The following CHERP variants were observed in gnomAD, a reference collection of about 807,000 sequenced individuals.
CHERP encodes the protein calcium homeostasis endoplasmic reticulum protein, also known as ERPROT 213-21.
Under a neutral mutation model 113.8 loss-of-function variants are expected in CHERP, and 8 were observed. The observed-to-expected ratio is 0.07, with a 90% CI of 0.04 to 0.13. CHERP has a LOEUF of 0.13. Among genes scored for constraint, CHERP ranks in the 10% least tolerant of loss-of-function variants. The pLI is 1.00. For synonymous variants in CHERP, 559 were observed against 524.5 expected (o/e 1.07, Z -0.90); for missense variants, 884 against 1,298.2 (o/e 0.68, Z 4.90).
intron 2 of CHERP, among the ~76,000 whole-genome samples, chr19:16,537,171 G>A (rs983211361): frequency 4.0e-5 from 6 of 150,572 alleles, no homozygotes; most frequent in African/African-American, 9.8e-5. Context: ...GCCACTCCCC[G>A]CACCCCCCTC....
chr19:16,540,981 G>A (rs1026461671), intron 2 of CHERP, among the ~76,000 whole-genome samples: 3 of 152,120 alleles, frequency 2.0e-5, no homozygotes, highest in African/African-American at 7.2e-5. Context: ...TACAGTATGA[G>A]CCACTGCAAC....
In CHERP at chr19:16,520,377, G is replaced by T; in HGVS notation, c.2332C>A (p.Arg778Ser). The T allele has an allele frequency of 6.2e-7, 1 of 1,613,920 alleles. No homozygotes were observed. The highest frequency in any genetic ancestry group is 1.1e-5 in the South Asian group (1 of 91,078). ...RSRSCSRSYS[R>S]SRSRSRSRSR... ...GCCTCTGCCTACCTAGATCTGGAGC[G>T]GGAGTAGGAACGGGAGCAGGAGCGC... The change falls in exon 14 of 17, where the codon CGC (arginine) becomes AGC (serine). Residue 778 changes from arginine to serine, a missense_variant. Physicochemically the swap from Arg to Ser is moderately radical, Grantham distance 110. Around this residue, in one of 8 missense-constraint regions of CHERP, gnomAD observed 159 missense variants for 185.8 expected, o/e 0.86. Transcript: ENST00000546361. The surrounding 1 kb of genome is among the most constrained non-coding windows in gnomAD (Gnocchi z 4.0).
intron 9 of CHERP, 133 bp downstream of exon 9, chr19:16,527,947 C>T: frequency 1.1e-6 from 1 of 912,198 alleles, no homozygotes; most frequent in Non-Finnish European, 1.7e-6. Context: ...ACTAACCCAG[C>T]ATAAGCTCTG....
In CHERP at chr19:16,521,620, T is replaced by G. The variant is rs749965563; in HGVS notation, c.2015A>C (p.Lys672Thr). 6.2e-7 allele frequency: 1 copy of G among 1,609,194 alleles called. No homozygotes were observed. The highest frequency in any genetic ancestry group is 8.5e-7 in the Non-Finnish European group (1 of 1,177,822). Residue 672 changes from lysine (K) to threonine (T), a missense_variant, in exon 12 of 17, where the codon AAA becomes ACA. This residue lies in a region of CHERP where 464 missense variants were observed against 590.1 expected (regional missense o/e 0.79). Transcript: ENST00000546361. ...EDHEYKPLDPKDIRLPPPMPP... is the reference protein window; with the variant it reads ...EDHEYKPLDPTDIRLPPPMPP... Reference sequence around the variant, plus strand: ...CATGGGGGGTGGGAGGCGGATGTCTTTAGGGTCCAAAGGCTTGTACTCGTG... The same window carrying G: ...CATGGGGGGTGGGAGGCGGATGTCTGTAGGGTCCAAAGGCTTGTACTCGTG...
At position 16,521,612 on chromosome 19, in the gene CHERP, G is replaced by A; in HGVS notation, c.2023C>T (p.Arg675Cys). ...EYKPLDPKDI[R>C]LPPPMPPSER... ...CTGGGCGGCATGGGGGGTGGGAGGC[G>A]GATGTCTTTAGGGTCCAAAGGCTTG... The change falls in exon 12 of 17, where the codon CGC becomes TGC. Residue 675 changes from arginine (R) to cysteine (C), a missense_variant. Coordinates refer to ENST00000546361, the MANE Select transcript of CHERP (RefSeq NM_006387.6). 1 of 1,609,734 alleles carries A rather than the reference G, an allele frequency of 6.2e-7. No homozygotes were observed. Among genetic ancestry groups the A allele is most frequent in the Non-Finnish European group, 8.5e-7 (1 of 1,178,134 alleles).
chr19:16,525,301 G>T lies in CHERP; in HGVS notation c.1682C>A (p.Pro561His). The T allele has an allele frequency of 1.4e-6, 2 of 1,452,684 alleles. No homozygotes were observed. Among genetic ancestry groups the T allele is most frequent in the Non-Finnish European group, 1.8e-6 (2 of 1,101,118 alleles). 90.0% of individuals were successfully genotyped at this position (1,452,684 alleles called of 1,614,324 possible). A position where few individuals can be genotyped will look rare whatever the true frequency, so the allele number is the denominator to read the frequency against. ...GTGGGGATAGGGCGGCCGCTCGAAG[G>T]GGTGCCGTGGCGGGAAGTCGTCCTG... is the stretch of plus-strand genomic sequence containing the variant. Reference protein sequence around the residue: ...FMQDDFPPRHPFERPPYPHRF... With the variant: ...FMQDDFPPRHHFERPPYPHRF... The change falls in exon 10 of 17, where the codon CCC (proline) becomes CAC (histidine). Residue 561 changes from proline (P) to histidine (H), a missense_variant. This residue lies in a region of CHERP where 464 missense variants were observed against 590.1 expected (regional missense o/e 0.79). Transcript: ENST00000546361. This position sits in a 1 kb window ranked among gnomAD's most constrained non-coding sequence, Gnocchi z 6.5.
intron 5 of CHERP, 150 bp from the exon 6 acceptor site, chr19:16,531,030 AC>A (rs2085699305): frequency 1.5e-6 from 2 of 1,305,832 alleles, no homozygotes; most frequent in Non-Finnish European, 2.1e-6. Context: ...CTCCCACGAG[AC>A]CTGTGCTGGT....
Position 16,529,861 on chromosome 19 carries a change from C to T in CHERP, c.916G>A (p.Val306Met), listed in dbSNP as rs374070835. ...ATCTGCTGCTGGAAGGCCAGCTGCA[C>T]CGGCTGGACCACTGAGGAGTACTCG... Reference protein sequence around the residue: ...INEYSSVVQPVQLAFQQQIQT... With the variant: ...INEYSSVVQPMQLAFQQQIQT... The change falls in exon 8 of 17, where the codon GTG (valine) becomes ATG (methionine). Residue 306 changes from valine to methionine, a missense_variant. Coordinates refer to ENST00000546361, the MANE Select transcript of CHERP (RefSeq NM_006387.6). The T allele has an allele frequency of 1.4e-4, 222 of 1,613,606 alleles. No homozygotes were observed. Among genetic ancestry groups the T allele is most frequent in the Non-Finnish European group, 1.7e-4 (203 of 1,179,972 alleles).
Position 16,518,871 on chromosome 19 carries a change from G to C in CHERP, c.*288C>G, listed in dbSNP as rs977363864. 2.4e-6 allele frequency: 1 copy of C among 422,710 alleles called. No individual in the cohort carries two copies. The highest frequency in any genetic ancestry group is 2.1e-5 in the African/African-American group (1 of 48,224). 26.2% of individuals were successfully genotyped at this position (422,710 alleles called of 1,614,324 possible). On this transcript the variant is annotated 3_prime_UTR_variant, in exon 17 of 17. Transcript: ENST00000546361. ...CCCTTCGTGGCTGAAGAATTTACTC[G>C]GGCGGAGGGTCTTGTGTTTTTTGCT...
Position 16,528,119 on chromosome 19 carries a change from A to G in CHERP, c.1266T>C (p.Phe422=). The G allele has an allele frequency of 2.5e-6, 4 of 1,613,678 alleles. 1 individual carries two copies. In the South Asian group the frequency reaches 4.4e-5, roughly 18 times the overall value. Residue 422 remains phenylalanine, a synonymous_variant, in exon 9 of 17, where the codon TTT becomes TTC. Coordinates refer to ENST00000546361, the MANE Select transcript of CHERP (RefSeq NM_006387.6). ...AAGGAGCCACGGGGTGAGGCTGGTC[A>G]AACCAAGGGGGCTTGTTTGGTGGGA... ...DQIPPNKPPW[F]DQPHPVAPWG...
chr19:16,541,859 A>G lies in CHERP; in HGVS notation c.199+11T>C. The G allele has an allele frequency of 6.2e-7, 1 of 1,610,336 alleles. No homozygotes were observed. Among genetic ancestry groups the G allele is most frequent in the Non-Finnish European group, 8.5e-7 (1 of 1,178,830 alleles). ...CTCGATGGGACGGCCTGAGTGCCGGAGGGGACTCACGCTGCTGCTGCTCCA... is the reference window on the plus strand; with the variant it reads ...CTCGATGGGACGGCCTGAGTGCCGGGGGGGACTCACGCTGCTGCTGCTCCA... On this transcript the variant is annotated intron_variant, in intron 2 of 16. Coordinates refer to ENST00000546361, the MANE Select transcript of CHERP (RefSeq NM_006387.6).
At chr19:16,524,607 A>G (rs2085644191) in intron 10 of CHERP, among the ~76,000 whole-genome samples, 1 of 150,994 alleles carries the variant, frequency 6.6e-6, no homozygotes, top group Non-Finnish European at 1.5e-5. Context: ...TAACAAAGAT[A>G]CTAGGCATGG....
In CHERP at chr19:16,542,420, AC is replaced by A; in HGVS notation, c.-43del. The A allele has an allele frequency of 7.5e-7, 1 of 1,330,354 alleles. No individual in the cohort carries two copies. Among genetic ancestry groups the A allele is most frequent in the Non-Finnish European group, 9.7e-7 (1 of 1,032,790 alleles). The allele number at this position is 1,330,354 out of a possible 1,614,324, so 82.4% of individuals were successfully genotyped here. A position where few individuals can be genotyped will look rare whatever the true frequency, so the allele number is the denominator to read the frequency against. On this transcript the variant is annotated 5_prime_UTR_variant, in exon 1 of 17. Coordinates refer to ENST00000546361, the MANE Select transcript of CHERP (RefSeq NM_006387.6). ...AACGTCCTCCGGCGCCACACGATCGACCACCAGCGCCGTCTGCGGAAGCCGG... is the reference window on the plus strand; with the variant it reads ...AACGTCCTCCGGCGCCACACGATCGACACCAGCGCCGTCTGCGGAAGCCGG...
Position 16,542,356 on chromosome 19 carries a change from T to A in CHERP, c.23A>T (p.Asp8Val). Reference sequence around the variant, plus strand: ...CTCTCGGCCGGTTTGGGTCTCACCATCGGGGGGCAGCGGCATCTCCATGGC... The same window carrying A: ...CTCTCGGCCGGTTTGGGTCTCACCAACGGGGGGCAGCGGCATCTCCATGGC... The part of the protein sequence containing the change: MEMPLPP[D>V]DQELRNVIDK... Residue 8 changes from aspartate to valine, a missense_variant and splice_region_variant, in exon 1 of 17, where the codon GAT becomes GTT. Asp to Val is a radical substitution (Grantham distance 152). Transcript: ENST00000546361. 1 of 1,399,140 alleles carries A rather than the reference T, an allele frequency of 7.1e-7. No individual in the cohort carries two copies. The highest frequency in any genetic ancestry group is 9.3e-7 in the Non-Finnish European group (1 of 1,070,480). The allele number at this position is 1,399,140 out of a possible 1,614,324, so 86.7% of individuals were successfully genotyped here.
At chr19:16,521,758 C>G in intron 11 of CHERP, 104 bp from the exon 12 acceptor site, 1 of 1,128,040 alleles carries the variant, frequency 8.9e-7, no homozygotes, top group East Asian at 2.9e-5. Context: ...GGTTCAGTGT[C>G]AAGGGTACCC....
rs1032703744 is a variant in CHERP, at chr19:16,530,530, C to T, written c.876+55G>A. The T allele has an allele frequency of 1.2e-5, 18 of 1,555,492 alleles. No homozygotes were observed. The highest frequency in any genetic ancestry group is 3.3e-5 in the Admixed American group (2 of 59,870). On this transcript the variant is annotated intron_variant, in intron 7 of 16. Coordinates refer to ENST00000546361, the MANE Select transcript of CHERP (RefSeq NM_006387.6). This position sits in a 1 kb window ranked among gnomAD's most constrained non-coding sequence, Gnocchi z 4.1. The stretch of plus-strand genomic sequence containing the variant: ...TGCTGTCCCCACACTCCCAAACCCT[C>T]CTGGGGAACCCGCCCCAGCTCTAGG...
At position 16,525,705 on chromosome 19, in the gene CHERP, C is replaced by A; in HGVS notation, c.1306-28G>T. The stretch of plus-strand genomic sequence containing the variant: ...GCAAGGGAAGGGACAGGCTTGAGCC[C>A]TGCGTGGTCTAGGCCCTAGTGCTCG... On this transcript the variant is annotated intron_variant, in intron 9 of 16. Coordinates refer to ENST00000546361, the MANE Select transcript of CHERP (RefSeq NM_006387.6). This position sits in a 1 kb window ranked among gnomAD's most constrained non-coding sequence, Gnocchi z 6.5. The A allele has an allele frequency of 6.8e-7, 1 of 1,471,654 alleles. No homozygotes were observed. The highest frequency in any genetic ancestry group is 9.0e-7 in the Non-Finnish European group (1 of 1,109,364). 91.2% of individuals were successfully genotyped at this position (1,471,654 alleles called of 1,614,324 possible).
rs567052583 is a variant in CHERP at position 16,530,021 on chromosome 19, A to G, written c.877-121T>C. 15 of 1,316,908 alleles carry G rather than the reference A, an allele frequency of 1.1e-5. No homozygotes were observed. In the East Asian group the frequency reaches 3.3e-4, roughly 29 times the overall value. 81.6% of individuals were successfully genotyped at this position (1,316,908 alleles called of 1,614,324 possible). The stretch of plus-strand genomic sequence containing the variant: ...GGGACCTGGGGCAGGTGGACAGGGA[A>G]CCGTCACGTGAAACAGCCAACACAG... On this transcript the variant is annotated intron_variant, in intron 7 of 16. Transcript: ENST00000546361. The surrounding 1 kb of genome is among the most constrained non-coding windows in gnomAD (Gnocchi z 4.1).
In CHERP at chr19:16,535,336, G is replaced by A; in HGVS notation, c.384+116C>T. 2 of 1,107,206 alleles carry A rather than the reference G, an allele frequency of 1.8e-6. No homozygotes were observed. The highest frequency in any genetic ancestry group is 2.9e-4 in the Middle Eastern group (1 of 3,502). The allele number at this position is 1,107,206 out of a possible 1,614,324, so 68.6% of individuals were successfully genotyped here. A position where few individuals can be genotyped will look rare whatever the true frequency, so the allele number is the denominator to read the frequency against. On this transcript the variant is annotated intron_variant, in intron 3 of 16. Coordinates refer to ENST00000546361, the MANE Select transcript of CHERP (RefSeq NM_006387.6). The surrounding 1 kb of genome is among the most constrained non-coding windows in gnomAD (Gnocchi z 4.3). Reference sequence around the variant, plus strand: ...GTGGCTGACATGCACCGAGCCCTGGGTGGCAGGGGGGGCCCTGTCCTCACT... The same window carrying A: ...GTGGCTGACATGCACCGAGCCCTGGATGGCAGGGGGGGCCCTGTCCTCACT...
Sources: allele counts gnomAD v4.1 joint callset (sites outside exome capture counted in the v4.1 genomes callset), GRCh38; gene constraint gnomAD v4.1.1; regional missense constraint gnomAD v4.1.1; non-coding constraint Gnocchi (gnomAD v3.1); transcripts MANE v1.5; gene names NCBI Gene and HGNC (gene_info 2026-07-23, HGNC 2026-07-21).